NLRP4: variants seen among roughly 807,000 people sequenced by gnomAD.
NLRP4 encodes NACHT, LRR and PYD domains-containing protein 4.
In NLRP4, 44 loss-of-function variants were observed where a neutral mutation model predicts 84.7. That is an observed-to-expected ratio of 0.52 (90% CI 0.41 to 0.67). NLRP4 has a LOEUF of 0.67. NLRP4 is among the 30% of genes least tolerant of loss of function. NLRP4 has a pLI of 0.00. For synonymous variants in NLRP4, 544 were observed against 476.4 expected (o/e 1.14, Z -1.85); for missense variants, 1,260 against 1,219.4 (o/e 1.03, Z -0.50).
chr19:55,871,061 TG>T lies in NLRP4; in HGVS notation c.2525+68del, dbSNP rs376264207. The T allele has an allele frequency of 7.1e-6, 10 of 1,403,240 alleles. 1 individual carries two copies. 86.9% of individuals were successfully genotyped at this position (1,403,240 alleles called of 1,614,324 possible). On this transcript the variant is annotated intron_variant, in intron 7 of 9. Coordinates refer to ENST00000301295, the MANE Select transcript of NLRP4 (RefSeq NM_134444.5). ...TTTCAAGGGCATGCACTGCTGAGAATGGGGCATCTGGAATTGAGGAAGGCTG... is the reference window on the plus strand; with the variant it reads ...TTTCAAGGGCATGCACTGCTGAGAATGGGCATCTGGAATTGAGGAAGGCTG...
In NLRP4 at chr19:55,861,424, C is replaced by A; in HGVS notation, c.1895C>A (p.Ser632Tyr). Reference protein sequence around the residue: ...YSLICWHHICSVLTTSGHLRE... With the variant: ...YSLICWHHICYVLTTSGHLRE... Reference sequence around the variant, plus strand: ...CTCATCTGTTGGCATCACATCTGCTCTGTGCTCACCACCAGCGGGCACCTC... The same window carrying A: ...CTCATCTGTTGGCATCACATCTGCTATGTGCTCACCACCAGCGGGCACCTC... The change falls in exon 4 of 10, where the codon TCT (serine) becomes TAT (tyrosine). Residue 632 changes from serine (S) to tyrosine (Y), a missense_variant. Coordinates refer to ENST00000301295, the MANE Select transcript of NLRP4 (RefSeq NM_134444.5). The A allele has an allele frequency of 6.2e-7, 1 of 1,614,192 alleles. No homozygotes were observed. The highest frequency in any genetic ancestry group is 8.5e-7 in the Non-Finnish European group (1 of 1,180,000).
rs370201941 is a variant in NLRP4 at position 55,867,894 on chromosome 19, G to A, written c.2354+18G>A. ...TACCTGATGTGAGTGGATGTTGGGGGTGCCTACTGTGGAGGGCCATGGCGG... is the reference window on the plus strand; with the variant it reads ...TACCTGATGTGAGTGGATGTTGGGGATGCCTACTGTGGAGGGCCATGGCGG... On this transcript the variant is annotated intron_variant, in intron 6 of 9. Coordinates refer to ENST00000301295, the MANE Select transcript of NLRP4 (RefSeq NM_134444.5). The A allele has an allele frequency of 1.9e-6, 3 of 1,611,186 alleles. No individual in the cohort carries two copies. The highest frequency in any genetic ancestry group is 2.5e-6 in the Non-Finnish European group (3 of 1,177,966).
At chr19:55,867,569 A>G in intron 5 of NLRP4, 140 bp from the exon 6 acceptor site, 1 of 687,720 alleles carries the variant, frequency 1.5e-6, no homozygotes, top group Non-Finnish European at 2.5e-6. Context: ...CTGGGTTGAC[A>G]GGGATCAAGA....
At chr19:55,854,947 C>G (rs914253999) in intron 2 of NLRP4, among the ~76,000 whole-genome samples, 4 of 152,170 alleles carry the variant, frequency 2.6e-5, no homozygotes, top group African/African-American at 9.7e-5. Context: ...TGGTGTTGAA[C>G]TGCTGACCTC....
intron 1 of NLRP4, among the ~76,000 whole-genome samples, chr19:55,839,291 A>G (rs1432881703): frequency 7.6e-6 from 1 of 131,996 alleles, no homozygotes; most frequent in Non-Finnish European, 1.7e-5. Context: ...TCATTATCTA[A>G]CCTATGCCTC....
At chr19:55,871,451 G>T (rs1329077881) in intron 7 of NLRP4, among the ~76,000 whole-genome samples, 1 of 152,188 alleles carries the variant, frequency 6.6e-6, no homozygotes, top group Non-Finnish European at 1.5e-5. Flanking sequence ...ACAAAGGGTA[G>T]CATGAGATGA....
In NLRP4 at chr19:55,858,922, A is replaced by G; in HGVS notation, c.1529A>G (p.Lys510Arg). 1 of 1,614,164 alleles carries G rather than the reference A, an allele frequency of 6.2e-7. No individual in the cohort carries two copies. The highest frequency in any genetic ancestry group is 2.2e-5 in the East Asian group (1 of 44,888). The change falls in exon 3 of 10, where the codon AAG becomes AGG. Residue 510 changes from lysine (K) to arginine (R), a missense_variant. Lys to Arg is a conservative substitution (Grantham distance 26). Transcript: ENST00000301295. The surrounding 1 kb of genome is among the most constrained non-coding windows in gnomAD (Gnocchi z 4.2). ...TTTCTAACTGGCCTTTTAAATAAAA[A>G]GGAACAAGAAAAACTGGATGCGTTT... ...GCFLTGLLNK[K>R]EQEKLDAFFG...
chr19:55,838,035 C>CCAAAAAAAAA (rs59078329), intron 1 of NLRP4, among the ~76,000 whole-genome samples: 11 of 132,678 alleles, frequency 8.3e-5, no homozygotes, highest in African/African-American at 1.8e-4. Context: ...GACTCGGTCT[C>CCAAAAAAAAA]AAGCTGGATG....
intron 1 of NLRP4, among the ~76,000 whole-genome samples, chr19:55,850,568 T>C (rs1984052399): frequency 1.2e-5 from 1 of 82,206 alleles, no homozygotes; most frequent in Admixed American, 9.9e-5. Context: ...CGGTGTAATG[T>C]CCGTGGCTGC....
At chr19:55,842,699 G>C (rs759665193) in intron 1 of NLRP4, among the ~76,000 whole-genome samples, 2 of 150,968 alleles carry the variant, frequency 1.3e-5, no homozygotes, top group Non-Finnish European at 3.0e-5. Context: ...ATTTCCTATA[G>C]TGTAAGTCTT....
chr19:55,855,523 C>G (rs1382782753), intron 2 of NLRP4, among the ~76,000 whole-genome samples: 1 of 152,190 alleles, frequency 6.6e-6, no homozygotes, highest in Non-Finnish European at 1.5e-5. Flanking sequence ...TTAGGGACTT[C>G]AGGGGACTGA....
Position 55,858,442 on chromosome 19 carries a change from G to T in NLRP4, c.1049G>T (p.Ser350Ile). Residue 350 changes from serine (S) to isoleucine (I), a missense_variant, in exon 3 of 10, where the codon AGT becomes ATT. Ser to Ile is a moderately radical substitution (Grantham distance 142). Around this residue, in one of 3 missense-constraint regions of NLRP4, gnomAD observed 712 missense variants for 669.2 expected, o/e 1.06. Transcript: ENST00000301295. This position sits in a 1 kb window ranked among gnomAD's most constrained non-coding sequence, Gnocchi z 4.2. ...IPLLCWILCT[S>I]LKQEMQKGKD... ...CTCCTCTGCTGGATCCTGTGTACCAGTCTGAAGCAAGAGATGCAGAAAGGA... is the reference window on the plus strand; with the variant it reads ...CTCCTCTGCTGGATCCTGTGTACCATTCTGAAGCAAGAGATGCAGAAAGGA... The T allele has an allele frequency of 6.2e-7, 1 of 1,614,084 alleles. No individual in the cohort carries two copies. Among genetic ancestry groups the T allele is most frequent in the Non-Finnish European group, 8.5e-7 (1 of 1,180,028 alleles).
chr19:55,858,434 G>A lies in NLRP4; in HGVS notation c.1041G>A (p.Leu347=), dbSNP rs1984554792. 1 of 1,614,156 alleles carries A rather than the reference G, an allele frequency of 6.2e-7. No individual in the cohort carries two copies. Among genetic ancestry groups the A allele is most frequent in the South Asian group, 1.1e-5 (1 of 91,078 alleles). ...ICQIPLLCWI[L]CTSLKQEMQK... ...AAATCCCGCTCCTCTGCTGGATCCT[G>A]TGTACCAGTCTGAAGCAAGAGATGC... The change falls in exon 3 of 10, where the codon CTG becomes CTA. Residue 347 remains leucine, a synonymous_variant. Coordinates refer to ENST00000301295, the MANE Select transcript of NLRP4 (RefSeq NM_134444.5). The surrounding 1 kb of genome is among the most constrained non-coding windows in gnomAD (Gnocchi z 4.2).
intron 2 of NLRP4, chr19:55,857,386 T>C: frequency 2.2e-6 from 1 of 449,478 alleles, no homozygotes; most frequent in East Asian, 3.4e-5. Context: ...TGTCAACCTT[T>C]TTGTGTAGAG....
In NLRP4 at chr19:55,859,946, A is replaced by AC. The variant is rs1461626422; in HGVS notation, c.1856+697_1856+698insC. Among the ~76,000 whole-genome samples, 18 of 124,108 alleles carry AC rather than the reference A, an allele frequency of 1.5e-4. No individual in the cohort carries two copies. The East Asian group carries it at 2.3e-3, about 16-fold the overall frequency. The allele number at this position is 124,108 out of a possible 152,430, so 81.4% of individuals were successfully genotyped here. A position where few individuals can be genotyped will look rare whatever the true frequency, so the allele number is the denominator to read the frequency against. On this transcript the variant is annotated intron_variant, in intron 3 of 9. Transcript: ENST00000301295. ...ATCTCCAAAAAAAAAAAAAAAAAAA[A>AC]AAAAAACAAAACACAAATCATACAA...
chr19:55,867,952 G>A (rs1051777729), intron 6 of NLRP4, 76 bp downstream of exon 6: 10 of 1,282,102 alleles, frequency 7.8e-6, no homozygotes, highest in Non-Finnish European at 1.1e-5. Context: ...ATGACAGTCT[G>A]CTCATTGATG....
intron 9 of NLRP4, among the ~76,000 whole-genome samples, chr19:55,880,228 T>C (rs778289042): frequency 6.6e-6 from 1 of 152,222 alleles, no homozygotes; most frequent in Non-Finnish European, 1.5e-5. Context: ...TCCATCCTTA[T>C]AAATCTCCAC....
intron 1 of NLRP4, among the ~76,000 whole-genome samples, chr19:55,838,719 T>C (rs1454283432): frequency 6.6e-6 from 1 of 152,174 alleles, no homozygotes; most frequent in Non-Finnish European, 1.5e-5. Flanking sequence ...CCTGATCTGT[T>C]CAAGATTTGT....
intron 4 of NLRP4, 70 bp from the exon 5 acceptor site, chr19:55,861,922 G>T (rs1984772767): frequency 9.8e-7 from 1 of 1,024,238 alleles, no homozygotes. Context: ...GATGATGAGA[G>T]ACAAACACAG....
Sources: allele counts gnomAD v4.1 joint callset (sites outside exome capture counted in the v4.1 genomes callset), GRCh38; gene constraint gnomAD v4.1.1; regional missense constraint gnomAD v4.1.1; non-coding constraint Gnocchi (gnomAD v3.1); transcripts MANE v1.5; gene names NCBI Gene and HGNC (gene_info 2026-07-23, HGNC 2026-07-21).